The following ANKRD49 variants were observed in gnomAD, a reference collection of about 807,000 sequenced individuals.
ANKRD49 encodes ankyrin repeat domain-containing protein 49.
A neutral mutation model predicts 19.6 loss-of-function variants in ANKRD49; 18 were observed. The ratio of observed to expected loss-of-function variants is 0.92; its 90% CI spans 0.63 to 1.36. The LOEUF (loss-of-function observed/expected upper bound fraction) is 1.36. Among genes scored for constraint, ANKRD49 ranks in the 40% most tolerant of loss-of-function variants. The pLI is 0.00. For synonymous variants in ANKRD49, 88 were observed against 101.8 expected, an observed-to-expected ratio of 0.86 and a Z score of 0.82; for missense variants, 218 against 281.6, an observed-to-expected ratio of 0.77 and a Z score of 1.62.
rs187124543 is a variant in ANKRD49, at chr11:94,497,885, G to T, written c.259-186G>T. The T allele has an allele frequency of 4.1e-5, 23 of 554,852 alleles. No individual in the cohort carries two copies. The Admixed American group carries it at 5.2e-4, about 13-fold the overall frequency. The allele number at this position is 554,852 out of a possible 1,614,324, so 34.4% of individuals were successfully genotyped here. On this transcript the variant is annotated intron_variant, in intron 2 of 2. Transcript: ENST00000544612. ...AACAAAGTGTAGTTAACACTAACTTGTTCATTCTTAAATCAGTAGTCCTCT... is the reference window on the plus strand; with the variant it reads ...AACAAAGTGTAGTTAACACTAACTTTTTCATTCTTAAATCAGTAGTCCTCT...
Position 94,498,868 on chromosome 11 carries a change from T to C in ANKRD49, c.*336T>C, listed in dbSNP as rs1947454907. The C allele has an allele frequency of 1.9e-5, 5 of 266,404 alleles. No individual in the cohort carries two copies. Among genetic ancestry groups the C allele is most frequent in the Non-Finnish European group, 2.9e-5 (4 of 139,630 alleles). The allele number at this position is 266,404 out of a possible 1,614,324, so 16.5% of individuals were successfully genotyped here. On this transcript the variant is annotated 3_prime_UTR_variant, in exon 3 of 3. Transcript: ENST00000544612. ...TTTTAAATATCCCACATCCTGGATCTTTGTTGGGTATTTAGTATATTGACA... is the reference window on the plus strand; with the variant it reads ...TTTTAAATATCCCACATCCTGGATCCTTGTTGGGTATTTAGTATATTGACA...
rs12294513 is a variant in ANKRD49, at chr11:94,494,042, T to A, written c.-91+7T>A. ...CGATTTTCCCTTCTGTCAGGTGGGT[T>A]GTTATTCCCTGTCCCGGACCTCGCT... On this transcript the variant is annotated splice_region_variant and intron_variant, in intron 1 of 2. Transcript: ENST00000544612. 174 of 152,482 alleles carry A rather than the reference T, an allele frequency of 1.1e-3. No individual in the cohort carries two copies. Among genetic ancestry groups the A allele is most frequent in the African/African-American group, 3.9e-3 (160 of 41,552 alleles). The allele number at this position is 152,482 out of a possible 1,614,324, so 9.4% of individuals were successfully genotyped here.
intron 1 of ANKRD49, among the ~76,000 whole-genome samples, chr11:94,495,471 A>G (rs1440360637): frequency 6.6e-6 from 1 of 152,224 alleles, no homozygotes; most frequent in Non-Finnish European, 1.5e-5. Flanking sequence ...AGAAAGCAGA[A>G]AGCGATCTAA....
intron 1 of ANKRD49, among the ~76,000 whole-genome samples, chr11:94,495,176 T>G (rs1457247237): frequency 6.6e-6 from 1 of 152,202 alleles, no homozygotes; most frequent in Non-Finnish European, 1.5e-5. Context: ...TAATAAAGTT[T>G]AATACCACAT....
Position 94,496,639 on chromosome 11 carries a change from G to C in ANKRD49, c.-55G>C. The C allele has an allele frequency of 6.9e-7, 1 of 1,448,418 alleles. No homozygotes were observed. 89.7% of individuals were successfully genotyped at this position (1,448,418 alleles called of 1,614,324 possible). On this transcript the variant is annotated 5_prime_UTR_variant, in exon 2 of 3. The change abolishes the stop of an existing upstream ORF in the 5' untranslated region. Coordinates refer to ENST00000544612, the MANE Select transcript of ANKRD49 (RefSeq NM_017704.3). Reference sequence around the variant, plus strand: ...ACAAAGCAGTCATAATTCATCTCTAGAAAGATTTATATCCTGGCATTTGAA... The same window carrying C: ...ACAAAGCAGTCATAATTCATCTCTACAAAGATTTATATCCTGGCATTTGAA...
chr11:94,496,331 A>C (rs2135160575), intron 1 of ANKRD49, among the ~76,000 whole-genome samples: 1 of 152,332 alleles, frequency 6.6e-6, no homozygotes, highest in Middle Eastern at 3.4e-3. Flanking sequence ...TGTTAGCATA[A>C]CACCATCATA....
At position 94,496,940 on chromosome 11, in the gene ANKRD49, GA is replaced by G; in HGVS notation, c.254del (p.Asn85IlefsTer17). The G allele has an allele frequency of 6.2e-7, 1 of 1,612,964 alleles. No individual in the cohort carries two copies. Among genetic ancestry groups the G allele is most frequent in the East Asian group, 2.2e-5 (1 of 44,852 alleles). The stretch of plus-strand genomic sequence containing the variant: ...AAGCAGATTGCTTCTTTGGGCTGCT[GA>G]AAAAAATCGGGTAAAAAAAAAAATT... The part of the protein sequence containing the change: ...DPSRLLLWAA[E>X]KNRLTTVRRL... On this transcript the variant is annotated frameshift_variant, in exon 2 of 3. Transcript: ENST00000544612. LOFTEE classifies it high-confidence loss of function.
At chr11:94,496,182 A>G (rs1273451713) in intron 1 of ANKRD49, among the ~76,000 whole-genome samples, 1 of 152,152 alleles carries the variant, frequency 6.6e-6, no homozygotes, top group African/African-American at 2.4e-5. Context: ...AGAATCCCTG[A>G]TTCTTCGAAA....
Position 94,496,953 on chromosome 11 carries a change from T to TAAA in ANKRD49, c.258+11_258+13dup. ...CTTTGGGCTGCTGAAAAAAATCGGG[T>TAAA]AAAAAAAAAAATTACAGAGGGAAGT... On this transcript the variant is annotated splice_region_variant and intron_variant, in intron 2 of 2. Coordinates refer to ENST00000544612, the MANE Select transcript of ANKRD49 (RefSeq NM_017704.3). 1 of 1,398,136 alleles carries TAAA rather than the reference T, an allele frequency of 7.2e-7. No individual in the cohort carries two copies. The allele number at this position is 1,398,136 out of a possible 1,614,324, so 86.6% of individuals were successfully genotyped here.
In ANKRD49 at chr11:94,498,769, G is replaced by T. The variant is rs1475911194; in HGVS notation, c.*237G>T. The stretch of plus-strand genomic sequence containing the variant: ...TTTTTTTATCAGAAATAATTTTAAT[G>T]TGTGTATACTTAAAAACTTGACACG... On this transcript the variant is annotated 3_prime_UTR_variant, in exon 3 of 3. Transcript: ENST00000544612. The T allele has an allele frequency of 7.6e-6, 4 of 523,550 alleles. No homozygotes were observed. Among genetic ancestry groups the T allele is most frequent in the African/African-American group, 5.8e-5 (3 of 51,960 alleles). The allele number at this position is 523,550 out of a possible 1,614,324, so 32.4% of individuals were successfully genotyped here. A position where few individuals can be genotyped will look rare whatever the true frequency, so the allele number is the denominator to read the frequency against.
In ANKRD49 at chr11:94,498,473, A is replaced by G; in HGVS notation, c.661A>G (p.Ile221Val). The G allele has an allele frequency of 6.2e-7, 1 of 1,613,974 alleles. No individual in the cohort carries two copies. The highest frequency in any genetic ancestry group is 8.5e-7 in the Non-Finnish European group (1 of 1,179,850). ...TAFDIARRTSIYHYLFEIVEG... is the reference protein window; with the variant it reads ...TAFDIARRTSVYHYLFEIVEG... ...ATTTGATATTGCCAGGAGGACAAGTATCTATCACTACCTCTTTGAAATTGT... is the reference window on the plus strand; with the variant it reads ...ATTTGATATTGCCAGGAGGACAAGTGTCTATCACTACCTCTTTGAAATTGT... The change falls in exon 3 of 3, where the codon ATC becomes GTC. Residue 221 changes from isoleucine (I) to valine (V), a missense_variant. By Grantham distance (29) the Ile-to-Val change is conservative. Coordinates refer to ENST00000544612, the MANE Select transcript of ANKRD49 (RefSeq NM_017704.3).
chr11:94,497,315 C>A (rs1346322508), intron 2 of ANKRD49: 4 of 395,326 alleles, frequency 1.0e-5, no homozygotes, highest in South Asian at 7.6e-5. Context: ...AAGTAATATT[C>A]TTCTCTTTTA....
In ANKRD49 at chr11:94,499,192, C is replaced by A. The variant is rs1329597272; in HGVS notation, c.*660C>A. Reference sequence around the variant, plus strand: ...TACACAATCCTGTGGATAGTCCTACCTCACCCTGGTCAACCTACATGATCC... The same window carrying A: ...TACACAATCCTGTGGATAGTCCTACATCACCCTGGTCAACCTACATGATCC... On this transcript the variant is annotated 3_prime_UTR_variant, in exon 3 of 3. Coordinates refer to ENST00000544612, the MANE Select transcript of ANKRD49 (RefSeq NM_017704.3). 6.5e-6 allele frequency: 1 copy of A among 153,074 alleles called. No homozygotes were observed. The highest frequency in any genetic ancestry group is 1.5e-5 in the Non-Finnish European group (1 of 68,458). The allele number at this position is 153,074 out of a possible 1,614,324, so 9.5% of individuals were successfully genotyped here.
In ANKRD49 at chr11:94,498,308, G is replaced by C. The variant is rs775473349; in HGVS notation, c.496G>C (p.Asp166His). The change falls in exon 3 of 3, where the codon GAT becomes CAT. Residue 166 changes from aspartate to histidine, a missense_variant. Asp to His is a moderately conservative substitution (Grantham distance 81, BLOSUM62 -1). Coordinates refer to ENST00000544612, the MANE Select transcript of ANKRD49 (RefSeq NM_017704.3). ...VASFLLQHDA[D>H]INAQTKGLLT... ...TTCTTTCTTACTGCAGCATGATGCA[G>C]ATATCAATGCCCAAACAAAAGGCCT... The C allele has an allele frequency of 1.9e-6, 3 of 1,614,116 alleles. No individual in the cohort carries two copies. The highest frequency in any genetic ancestry group is 2.5e-6 in the Non-Finnish European group (3 of 1,180,032).
chr11:94,496,549 G>C, intron 1 of ANKRD49, 55 bp from the exon 2 acceptor site: 1 of 746,238 alleles, frequency 1.3e-6, no homozygotes, highest in Non-Finnish European at 2.1e-6. Flanking sequence ...TATCTATGCA[G>C]TTGATAAAGC....
rs769488186 is a variant in ANKRD49 at position 94,496,709 on chromosome 11, G to C, written c.16G>C (p.Gly6Arg). The change falls in exon 2 of 3, where the codon GGA (glycine) becomes CGA (arginine). Residue 6 changes from glycine (G) to arginine (R), a missense_variant. Gly to Arg is a moderately radical substitution (Grantham distance 125). Transcript: ENST00000544612. The part of the protein sequence containing the change: MEKEK[G>R]NDDGIPDQEN... ...GTAGTAAAAAATGGAAAAAGAAAAAGGAAATGATGATGGAATACCAGACCA... is the reference window on the plus strand; with the variant it reads ...GTAGTAAAAAATGGAAAAAGAAAAACGAAATGATGATGGAATACCAGACCA... 1.3e-6 allele frequency: 2 copies of C among 1,579,804 alleles called. No individual in the cohort carries two copies. The highest frequency in any genetic ancestry group is 3.8e-5 in the Admixed American group (2 of 52,060).
At position 94,498,282 on chromosome 11, in the gene ANKRD49, C is replaced by T; in HGVS notation, c.470C>T (p.Ala157Val). ...TGTAAGTGGAATAATACCAGAGTGG[C>T]TTCTTTCTTACTGCAGCATGATGCA... ...SACKWNNTRV[A>V]SFLLQHDADI... The change falls in exon 3 of 3, where the codon GCT becomes GTT. Residue 157 changes from alanine (A) to valine (V), a missense_variant. Transcript: ENST00000544612. 6.2e-7 allele frequency: 1 copy of T among 1,614,172 alleles called. No homozygotes were observed. Among genetic ancestry groups the T allele is most frequent in the East Asian group, 2.2e-5 (1 of 44,890 alleles).
In ANKRD49 at chr11:94,498,055, T is replaced by C; in HGVS notation, c.259-16T>C. 1.3e-6 allele frequency: 2 copies of C among 1,530,722 alleles called. No homozygotes were observed. The highest frequency in any genetic ancestry group is 1.8e-6 in the Non-Finnish European group (2 of 1,138,710). 94.8% of individuals were successfully genotyped at this position (1,530,722 alleles called of 1,614,324 possible). On this transcript the variant is annotated splice_polypyrimidine_tract_variant and intron_variant, in intron 2 of 2. Transcript: ENST00000544612. ...GGTTTGAGTTGAGTTGAAAGATTTC[T>C]TTTTTTTCTTCTCAGCTTACCACAG...
Position 94,499,035 on chromosome 11 carries a change from T to C in ANKRD49, c.*503T>C, listed in dbSNP as rs1481716142. On this transcript the variant is annotated 3_prime_UTR_variant, in exon 3 of 3. Transcript: ENST00000544612. ...GCAAGTAACATATTAGTGACTTGAATCTTCATAAGTTAAAGTAAAAAACAG... is the reference window on the plus strand; with the variant it reads ...GCAAGTAACATATTAGTGACTTGAACCTTCATAAGTTAAAGTAAAAAACAG... 1 of 154,260 alleles carries C rather than the reference T, an allele frequency of 6.5e-6. No individual in the cohort carries two copies. The highest frequency in any genetic ancestry group is 2.4e-5 in the African/African-American group (1 of 41,460). The allele number at this position is 154,260 out of a possible 1,614,324, so 9.6% of individuals were successfully genotyped here.
Sources: allele counts gnomAD v4.1 joint callset (sites outside exome capture counted in the v4.1 genomes callset), GRCh38; gene constraint gnomAD v4.1.1; transcripts MANE v1.5; gene names NCBI Gene and HGNC (gene_info 2026-07-23, HGNC 2026-07-21).